FBN1: variants seen among roughly 807,000 people sequenced by gnomAD.
FBN1 encodes fibrillin 1, also known as fibrillin-1.
A neutral mutation model predicts 365.1 loss-of-function variants in FBN1; 29 were observed. That is an observed-to-expected ratio of 0.08 (90% CI 0.06 to 0.11). The LOEUF (loss-of-function observed/expected upper bound fraction) is 0.11, where lower values mean the gene tolerates loss of function less well. FBN1 is among the 10% of genes least tolerant of loss of function. The probability of loss-of-function intolerance (pLI) is 1.00; values close to 1 mark genes in which losing one functional copy is unlikely to be tolerated. For synonymous variants in FBN1, 1,210 were observed against 1,270.5 expected (o/e 0.95, Z 1.01); for missense variants, 2,476 against 3,703.2 (o/e 0.67, Z 8.60).
rs58125518 is a variant in FBN1 at position 48,575,802 on chromosome 15, TACACACACACACAC to T, written c.538+20467_538+20480del. Among the ~76,000 whole-genome samples, 639 of 140,170 alleles carry T rather than the reference TACACACACACACAC, an allele frequency of 4.6e-3. 3 individuals carry two copies. The highest frequency in any genetic ancestry group is 0.015 in the African/African-American group (560 of 37,636). 92.0% of individuals were successfully genotyped at this position (140,170 alleles called of 152,430 possible). A position where few individuals can be genotyped will look rare whatever the true frequency, so the allele number is the denominator to read the frequency against. On this transcript the variant is annotated intron_variant, in intron 6 of 65. Transcript: ENST00000316623. Reference sequence around the variant, plus strand: ...AGGGCTGGATAAAGAAAATGTGAGATACACACACACACACACACACACACACACACACACACACA... The same window carrying T: ...AGGGCTGGATAAAGAAAATGTGAGATACACACACACACACACACACACACA...
chr15:48,589,864 C>T (rs1232299260), intron 6 of FBN1, among the ~76,000 whole-genome samples: 3 of 152,130 alleles, frequency 2.0e-5, no homozygotes, highest in African/African-American at 7.2e-5. Flanking sequence ...GATTCGCCTG[C>T]CCCGGCCTCC....
At position 48,557,205 on chromosome 15, in the gene FBN1, G is replaced by C. The variant is rs536689500; in HGVS notation, c.539-19397C>G. On this transcript the variant is annotated intron_variant, in intron 6 of 65. Transcript: ENST00000316623. ...GTAACCTATGTGAATTCCTGACTTT[G>C]AGGATCAGAAAGGTTTTTAGAGAAC... is the stretch of plus-strand genomic sequence containing the variant. 2.7e-3 allele frequency among the ~76,000 whole-genome samples: 405 copies of C among 152,304 alleles called. 2 individuals are homozygous for C. The highest frequency in any genetic ancestry group is 9.4e-3 in the African/African-American group (391 of 41,556).
chr15:48,418,390 CT>C lies in FBN1; in HGVS notation c.7819+2296del, dbSNP rs142892654. Among the ~76,000 whole-genome samples the C allele has an allele frequency of 8.4e-3, 1,277 of 152,254 alleles. 23 individuals carry two copies. Among genetic ancestry groups the C allele is most frequent in the African/African-American group, 0.03 (1,230 of 41,552 alleles). On this transcript the variant is annotated intron_variant, in intron 63 of 65. Transcript: ENST00000316623. ...TTAAATTTTATTTTACATTTTCTCC[CT>C]TCCCTGAGAATTTAATAAAGTTTAA... is the stretch of plus-strand genomic sequence containing the variant.
rs363852 is a variant in FBN1, at chr15:48,596,325, A to G, written c.496T>C (p.Cys166Arg). ...CCAGTAAATCCGTAAGTGCATGCAC[A>G]TCGATTTGGGGCCACACACCTTCCT... is the stretch of plus-strand genomic sequence containing the variant. ...NGGRCVAPNR[C>R]ACTYGFTGPQ... Residue 166 changes from cysteine (C) to arginine (R), a missense_variant, in exon 6 of 66, where the codon TGT (cysteine) becomes CGT (arginine). Physicochemically the swap from Cys to Arg is radical, Grantham distance 180. Coordinates refer to ENST00000316623, the MANE Select transcript of FBN1 (RefSeq NM_000138.5). The G allele has an allele frequency of 1.2e-6, 2 of 1,614,120 alleles. No individual in the cohort carries two copies. The highest frequency in any genetic ancestry group is 1.7e-6 in the Non-Finnish European group (2 of 1,179,932).
intron 2 of FBN1, among the ~76,000 whole-genome samples, chr15:48,618,797 G>C (rs1283158770): frequency 6.6e-6 from 1 of 152,124 alleles, no homozygotes; most frequent in East Asian, 1.9e-4. Flanking sequence ...ATCAGGGACA[G>C]CATTAGATTC....
intron 5 of FBN1, among the ~76,000 whole-genome samples, 178 bp downstream of exon 5, chr15:48,599,960 TG>T (rs1260340951): frequency 1.3e-5 from 2 of 152,168 alleles, no homozygotes; most frequent in African/African-American, 2.4e-5. Context: ...AGGTTCCAAT[TG>T]GAAATTTGGT....
chr15:48,540,406 CCTGCTGGATTTTCTTCA>C (rs1377577797), intron 6 of FBN1, among the ~76,000 whole-genome samples: 1 of 151,930 alleles, frequency 6.6e-6, no homozygotes, highest in Non-Finnish European at 1.5e-5. Context: ...ACTTTTGAAT[CCTGCTGGATTTTCTTCA>C]CTTAACATTG....
chr15:48,573,570 G>A, intron 6 of FBN1, among the ~76,000 whole-genome samples: 1 of 152,164 alleles, frequency 6.6e-6, no homozygotes. Flanking sequence ...ATAAGCTTCA[G>A]CACATGTAAA....
At chr15:48,637,463 C>T (rs1890114571) in intron 2 of FBN1, among the ~76,000 whole-genome samples, 1 of 152,218 alleles carries the variant, frequency 6.6e-6, no homozygotes, top group Non-Finnish European at 1.5e-5. Flanking sequence ...CCAGAGGGCA[C>T]TCGTTTCATA....
intron 9 of FBN1, among the ~76,000 whole-genome samples, chr15:48,523,715 G>GC (rs1555400797): frequency 3.7e-5 from 5 of 133,610 alleles, no homozygotes; most frequent in African/African-American, 1.1e-4. Context: ...GTGGCTGGGG[G>GC]GGGGGGGGAA....
chr15:48,450,644 T>C (rs2466791), intron 45 of FBN1, among the ~76,000 whole-genome samples: 136,288 of 152,228 alleles, frequency 0.9, 61,108 homozygotes, highest in East Asian at 0.96. Context: ...GTTGCATTTG[T>C]TCTAACTATC....
Position 48,515,436 on chromosome 15 carries a change from C to T in FBN1, c.1419G>A (p.Arg473=), listed in dbSNP as rs2043792311. The change falls in exon 12 of 66, where the codon CGG becomes CGA. Residue 473 remains arginine (R), a synonymous_variant. Coordinates refer to ENST00000316623, the MANE Select transcript of FBN1 (RefSeq NM_000138.5). ...GCTGGAACCCTTTGTTGCACTCACA[C>T]CGGTAACTCCCAGGAGTTGGAATGC... The part of the protein sequence containing the change: ...GRCIPTPGSY[R]CECNKGFQLD... 6.2e-7 allele frequency: 1 copy of T among 1,613,884 alleles called. No individual in the cohort carries two copies. Among genetic ancestry groups the T allele is most frequent in the African/African-American group, 1.3e-5 (1 of 74,884 alleles).
intron 60 of FBN1, among the ~76,000 whole-genome samples, chr15:48,422,829 T>G (rs1295443801): frequency 2.6e-5 from 4 of 151,984 alleles, no homozygotes; most frequent in Non-Finnish European, 5.9e-5. Flanking sequence ...TGTGGTGGTG[T>G]GTGCATGTAA....
At chr15:48,559,477 A>G (rs1367555888) in intron 6 of FBN1, among the ~76,000 whole-genome samples, 1 of 152,182 alleles carries the variant, frequency 6.6e-6, no homozygotes, top group African/African-American at 2.4e-5. Context: ...ACACAGACCA[A>G]GGACAAGCAG....
Position 48,537,746 on chromosome 15 carries a change from C to G in FBN1, c.601G>C (p.Gly201Arg). The G allele has an allele frequency of 6.2e-7, 1 of 1,614,208 alleles. No individual in the cohort carries two copies. Among genetic ancestry groups the G allele is most frequent in the Non-Finnish European group, 8.5e-7 (1 of 1,180,026 alleles). ...SNQMCQGQLS[G>R]IVCTKTLCCA... Reference sequence around the variant, plus strand: ...CAGAGCGTTTTTGTGCAGACAATCCCGCTGAGTTGTCCCTGGCACATCTGG... The same window carrying G: ...CAGAGCGTTTTTGTGCAGACAATCCGGCTGAGTTGTCCCTGGCACATCTGG... The change falls in exon 7 of 66, where the codon GGG (glycine) becomes CGG (arginine). Residue 201 changes from glycine (G) to arginine (R), a missense_variant. Gly to Arg is a moderately radical substitution (Grantham distance 125). Coordinates refer to ENST00000316623, the MANE Select transcript of FBN1 (RefSeq NM_000138.5).
At chr15:48,479,899 T>C (rs947063966) in intron 32 of FBN1, among the ~76,000 whole-genome samples, 3 of 152,172 alleles carry the variant, frequency 2.0e-5, no homozygotes, top group Non-Finnish European at 2.9e-5. Context: ...AACAAAACAA[T>C]GGACAATAGA....
intron 62 of FBN1, 97 bp downstream of exon 62, chr15:48,421,461 G>T: frequency 1.4e-6 from 2 of 1,456,460 alleles, no homozygotes; most frequent in Non-Finnish European, 1.9e-6. Context: ...GCTCAGATCT[G>T]CTATCTCATA....
chr15:48,578,432 C>T (rs1177250170), intron 6 of FBN1, among the ~76,000 whole-genome samples: 1 of 152,148 alleles, frequency 6.6e-6, no homozygotes, highest in East Asian at 1.9e-4. Context: ...TGTTCCACTC[C>T]TAGGCGTGTG....
chr15:48,621,612 G>A (rs1027806923), intron 2 of FBN1, among the ~76,000 whole-genome samples: 3 of 150,086 alleles, frequency 2.0e-5, no homozygotes, highest in Middle Eastern at 3.4e-3. Flanking sequence ...TCCTAGATGG[G>A]ATTCTGAACA....
Sources: allele counts gnomAD v4.1 joint callset (sites outside exome capture counted in the v4.1 genomes callset), GRCh38; gene constraint gnomAD v4.1.1; transcripts MANE v1.5; gene names NCBI Gene and HGNC (gene_info 2026-07-23, HGNC 2026-07-21).